The following MYO16 variants were observed in gnomAD, a reference collection of about 807,000 sequenced individuals.
MYO16 encodes the protein unconventional myosin-XVI.
MYO16 carries 94 observed loss-of-function variants against 205.3 expected under a neutral mutation model. The observed-to-expected ratio is 0.46, with a 90% CI of 0.39 to 0.54. The LOEUF (loss-of-function observed/expected upper bound fraction) is 0.54. Ranked by LOEUF, MYO16 falls within the 20% of genes least tolerant of loss-of-function variation. The pLI, the probability that MYO16 is intolerant of heterozygous loss-of-function variation, is 0.00. For missense variants in MYO16, 2,315 were observed against 2,387.5 expected (o/e 0.97, Z 0.63); for synonymous variants, 988 against 954.0 (o/e 1.04, Z -0.66).
In MYO16 at chr13:108,935,699, C is replaced by G. The variant is rs992486857; in HGVS notation, c.1926-21989C>G. Reference sequence around the variant, plus strand: ...TGAGAGTCGGCATCATTGGCTTGTTCCAGTTCTCAACAGGAATGCTTCCAA... The same window carrying G: ...TGAGAGTCGGCATCATTGGCTTGTTGCAGTTCTCAACAGGAATGCTTCCAA... On this transcript the variant is annotated intron_variant, in intron 16 of 34. Coordinates refer to ENST00000457511, the MANE Select transcript of MYO16 (RefSeq NM_001198950.3). Among the ~76,000 whole-genome samples the G allele has an allele frequency of 2.0e-5, 3 of 152,082 alleles. No homozygotes were observed. The South Asian group carries it at 6.2e-4, about 32-fold the overall frequency.
At chr13:108,569,026 T>G in the MYO16 span, among the ~76,000 whole-genome samples, 2 of 152,280 alleles carry the variant, frequency 1.3e-5, no homozygotes, top group East Asian at 3.9e-4. Context: ...TCTATATGTC[T>G]GATTTTATGC....
At chr13:109,197,807 C>T (rs1477461887) in intron 34 of MYO16, among the ~76,000 whole-genome samples, 1 of 152,156 alleles carries the variant, frequency 6.6e-6, no homozygotes, top group East Asian at 1.9e-4. Flanking sequence ...AAATTGACCA[C>T]TTGAGTAGAA....
the MYO16 span, among the ~76,000 whole-genome samples, chr13:108,538,855 T>G: frequency 6.6e-6 from 1 of 152,136 alleles, no homozygotes; most frequent in Non-Finnish European, 1.5e-5. Context: ...AGTCACCAGT[T>G]GCAAACTTGG....
chr13:109,145,268 G>C (rs76667004), intron 32 of MYO16, among the ~76,000 whole-genome samples: 2,487 of 152,196 alleles, frequency 0.016, 68 homozygotes, highest in African/African-American at 0.055. Context: ...TGCTGTGCTC[G>C]TGCGGGACAG....
intron 27 of MYO16, among the ~76,000 whole-genome samples, chr13:109,089,216 GTCATTATTATTATTT>G (rs1365694173): frequency 1.7e-5 from 2 of 116,782 alleles, no homozygotes; most frequent in African/African-American, 6.0e-5. Context: ...TATTATTATT[GTCATTATTATTATTT>G]GAGATGGAGT....
rs376335895 is a variant in MYO16 at position 109,109,582 on chromosome 13, C to A, written c.3438+8695C>A. On this transcript the variant is annotated intron_variant, in intron 28 of 34. Transcript: ENST00000457511. ...GGGACAAGGGAGGAAGCCGAGAACA[C>A]GAAGGGAGGGGAGAGGACCTCACCG... Among the ~76,000 whole-genome samples, 26 of 150,236 alleles carry A rather than the reference C, an allele frequency of 1.7e-4. No individual in the cohort carries two copies. The South Asian group carries it at 4.8e-3, about 28-fold the overall frequency.
chr13:108,897,972 C>A, intron 14 of MYO16, 44 bp from the exon 15 acceptor site: 1 of 1,430,376 alleles, frequency 7.0e-7, no homozygotes, highest in Non-Finnish European at 9.9e-7. Flanking sequence ...AATTTTATTT[C>A]TTAAAATATG....
intron 20 of MYO16, among the ~76,000 whole-genome samples, chr13:108,984,522 T>C (rs1884560320): frequency 6.6e-6 from 1 of 152,222 alleles, no homozygotes; most frequent in Admixed American, 6.5e-5. Flanking sequence ...TTTTCAGTGG[T>C]TGGTAATCAT....
the MYO16 span, among the ~76,000 whole-genome samples, chr13:108,552,106 G>T: frequency 1.3e-5 from 2 of 152,132 alleles, no homozygotes; most frequent in Non-Finnish European, 2.9e-5. Flanking sequence ...TTGAGGGAGG[G>T]GTCCATGGAT....
chr13:108,746,386 T>C (rs10492416), intron 4 of MYO16, among the ~76,000 whole-genome samples: 21,442 of 152,064 alleles, frequency 0.14, 1,700 homozygotes, highest in Middle Eastern at 0.3. Flanking sequence ...GTTTGACATG[T>C]GTAATGGGAG....
intron 15 of MYO16, among the ~76,000 whole-genome samples, chr13:108,905,365 C>T (rs1192309317): frequency 1.8e-4 from 28 of 152,174 alleles, no homozygotes; most frequent in Admixed American, 1.6e-3. Flanking sequence ...ATGGTTTAAT[C>T]GGGCTGCCTC....
At chr13:109,045,252 G>A (rs1951271180) in intron 23 of MYO16, among the ~76,000 whole-genome samples, 1 of 152,186 alleles carries the variant, frequency 6.6e-6, no homozygotes, top group Non-Finnish European at 1.5e-5. Context: ...ACTCCACGCT[G>A]TGGGAGCTTC....
At chr13:108,798,590 T>G (rs1886862018) in intron 6 of MYO16, among the ~76,000 whole-genome samples, 1 of 152,088 alleles carries the variant, frequency 6.6e-6, no homozygotes, top group African/African-American at 2.4e-5. Context: ...TTGAAAATAT[T>G]AATGCGATAA....
intron 27 of MYO16, among the ~76,000 whole-genome samples, chr13:109,072,025 G>T (rs1383393807): frequency 6.6e-6 from 1 of 152,178 alleles, no homozygotes. Flanking sequence ...TGCCAATAAA[G>T]CATACACATT....
chr13:109,023,235 GA>G (rs1566467321), intron 23 of MYO16, among the ~76,000 whole-genome samples: 4 of 101,256 alleles, frequency 4.0e-5, no homozygotes, highest in Non-Finnish European at 7.2e-5. Context: ...ATATTATACA[GA>G]TATAAATATA....
chr13:108,584,896 C>T, the MYO16 span, among the ~76,000 whole-genome samples: 288 of 152,006 alleles, frequency 1.9e-3, 4 homozygotes, highest in Non-Finnish European at 2.5e-3. Flanking sequence ...AGAGTTGGCC[C>T]AATAGAGGTA....
intron 16 of MYO16, among the ~76,000 whole-genome samples, chr13:108,955,651 A>G (rs1883320693): frequency 1.3e-5 from 2 of 152,108 alleles, no homozygotes; most frequent in African/African-American, 4.8e-5. Context: ...TAAGGAGTTC[A>G]ACCAGCCTGG....
At chr13:108,522,129 C>T in the MYO16 span, among the ~76,000 whole-genome samples, 1 of 152,294 alleles carries the variant, frequency 6.6e-6, no homozygotes, top group South Asian at 2.1e-4. Flanking sequence ...TTTTGCACAG[C>T]TATTGTTCAT....
rs937047704 is a variant in MYO16, at chr13:108,968,622, A to G, written c.2369+3720A>G. On this transcript the variant is annotated intron_variant, in intron 20 of 34. Transcript: ENST00000457511. ...ACCTGGGCAACAAGAGCAAAATTCC[A>G]TCTCAAAAGAAAAAAAAAGACAATG... 2.0e-5 allele frequency among the ~76,000 whole-genome samples: 3 copies of G among 152,170 alleles called. No individual in the cohort carries two copies. The South Asian group carries it at 6.2e-4, about 32-fold the overall frequency.
Sources: allele counts gnomAD v4.1 joint callset (sites outside exome capture counted in the v4.1 genomes callset), GRCh38; gene constraint gnomAD v4.1.1; transcripts MANE v1.5; gene names NCBI Gene and HGNC (gene_info 2026-07-23, HGNC 2026-07-21).